OPRM1: variants seen among roughly 807,000 people sequenced by gnomAD.
The protein encoded by OPRM1 is opioid receptor mu 1.
Under a neutral mutation model 31.8 loss-of-function variants are expected in OPRM1, and 27 were observed. The ratio of observed to expected loss-of-function variants is 0.85; its 90% CI spans 0.63 to 1.17. The LOEUF is 1.17. Among genes scored for constraint, OPRM1 ranks in the 50% most tolerant of loss-of-function variants. The probability of loss-of-function intolerance (pLI) is 0.00; values close to 1 mark genes in which losing one functional copy is unlikely to be tolerated. For missense variants in OPRM1, 536 were observed against 511.1 expected (o/e 1.05, Z -0.47); for synonymous variants, 196 against 189.9 (o/e 1.03, Z -0.26).
intron 3 of OPRM1, among the ~76,000 whole-genome samples, chr6:154,171,221 C>T (rs1799844528): frequency 6.6e-6 from 1 of 152,150 alleles, no homozygotes; most frequent in Non-Finnish European, 1.5e-5. Context: ...CCTAAATGTT[C>T]ATCAGCTGAT....
chr6:154,114,368 T>C (rs1796640764), intron 3 of OPRM1, among the ~76,000 whole-genome samples: 1 of 152,160 alleles, frequency 6.6e-6, no homozygotes, highest in South Asian at 2.1e-4. Context: ...TGATTTAGCA[T>C]TGGCTAATTT....
At chr6:154,178,746 T>C (rs1190904147) in intron 3 of OPRM1, among the ~76,000 whole-genome samples, 1 of 152,176 alleles carries the variant, frequency 6.6e-6, no homozygotes, top group Admixed American at 6.5e-5. Context: ...AGTATGTATG[T>C]TCACATAGGA....
At chr6:154,091,679 A>G in intron 3 of OPRM1, 4 of 1,335,792 alleles carry the variant, frequency 3.0e-6, no homozygotes, top group Middle Eastern at 2.8e-4. Context: ...AGGTATAAAG[A>G]TACACCAATG....
At chr6:154,184,808 T>C (rs535168977) in intron 3 of OPRM1, among the ~76,000 whole-genome samples, 2 of 152,184 alleles carry the variant, frequency 1.3e-5, no homozygotes, top group African/African-American at 2.4e-5. Context: ...TATAGTATCT[T>C]TCTAGATTGT....
intron 3 of OPRM1, among the ~76,000 whole-genome samples, chr6:154,142,310 G>A (rs1432669220): frequency 1.3e-5 from 2 of 152,202 alleles, no homozygotes; most frequent in Non-Finnish European, 2.9e-5. Context: ...AATAACACCT[G>A]AAATTGGTCA....
chr6:154,034,941 G>A (rs1190336194), upstream of OPRM1, among the ~76,000 whole-genome samples: 2 of 152,118 alleles, frequency 1.3e-5, no homozygotes, highest in Admixed American at 1.3e-4. Context: ...AAAAGAATCA[G>A]GTCCTTTAAG....
intron 3 of OPRM1, among the ~76,000 whole-genome samples, chr6:154,184,395 T>C (rs574594306): frequency 8.7e-4 from 133 of 152,184 alleles, no homozygotes; most frequent in African/African-American, 3.1e-3. Flanking sequence ...GATGCAGTTA[T>C]CAAAAATAAC....
intron 3 of OPRM1, among the ~76,000 whole-genome samples, chr6:154,111,866 T>C (rs904478426): frequency 6.6e-6 from 1 of 152,042 alleles, no homozygotes; most frequent in Admixed American, 6.5e-5. Context: ...CCCGAGTTCA[T>C]GCCATTCTCC....
At chr6:154,157,670 G>C (rs1348590805) in intron 3 of OPRM1, 1 of 152,204 alleles carries the variant, frequency 6.6e-6, no homozygotes, top group East Asian at 1.9e-4. Context: ...AGAAAAACTG[G>C]AAGTCTACAG....
intron 1 of OPRM1, among the ~76,000 whole-genome samples, chr6:154,016,400 GACA>G (rs1317605220): frequency 6.6e-6 from 1 of 152,048 alleles, no homozygotes; most frequent in Non-Finnish European, 1.5e-5. Context: ...TGTGTAGTGT[GACA>G]ACAATTACCT....
At chr6:154,084,571 A>C (rs914375758) in intron 1 of OPRM1, among the ~76,000 whole-genome samples, 1 of 152,226 alleles carries the variant, frequency 6.6e-6, no homozygotes, top group Non-Finnish European at 1.5e-5. Flanking sequence ...AAGTATCTTT[A>C]TCTCATTGGA....
intron 1 of OPRM1, among the ~76,000 whole-genome samples, chr6:154,024,760 G>T (rs940558260): frequency 2.7e-5 from 4 of 149,792 alleles, no homozygotes; most frequent in Non-Finnish European, 4.4e-5. Flanking sequence ...TTTGTTTCAA[G>T]AATTTTTTTC....
intron 1 of OPRM1, among the ~76,000 whole-genome samples, chr6:154,054,788 A>T (rs1453971210): frequency 6.6e-6 from 1 of 152,188 alleles, no homozygotes; most frequent in African/African-American, 2.4e-5. Context: ...GAGGATGCAT[A>T]CCCCATTCTC....
intron 1 of OPRM1, among the ~76,000 whole-genome samples, chr6:154,028,122 C>T (rs1005643912): frequency 7.2e-5 from 11 of 152,198 alleles, no homozygotes; most frequent in African/African-American, 2.7e-4. Context: ...TCCAGTCTTA[C>T]TCAAGGCCCT....
chr6:154,068,620 G>A (rs532131117), intron 1 of OPRM1, among the ~76,000 whole-genome samples: 1 of 152,198 alleles, frequency 6.6e-6, no homozygotes, highest in South Asian at 2.1e-4. Flanking sequence ...TGGACACTGA[G>A]ATTTATTCCA....
chr6:154,184,256 T>TA (rs1801145242), intron 3 of OPRM1, among the ~76,000 whole-genome samples: 1 of 152,104 alleles, frequency 6.6e-6, no homozygotes, highest in African/African-American at 2.4e-5. Context: ...TATAAAGTGA[T>TA]ACATATTAGA....
At chr6:154,091,607 T>A in intron 3 of OPRM1, 135 bp downstream of exon 3, 1 of 1,436,868 alleles carries the variant, frequency 7.0e-7, no homozygotes, top group Non-Finnish European at 9.1e-7. Context: ...GTGGTTCTAG[T>A]GTTAGAGAAG....
chr6:154,010,691 G>A, exon 1 of OPRM1: 4 of 1,446,814 alleles, frequency 2.8e-6, no homozygotes, highest in Non-Finnish European at 3.6e-6. Context: ...AAGCAGCCGG[G>A]TCAGACAGGC....
chr6:154,173,174 C>T (rs892909400), intron 3 of OPRM1, among the ~76,000 whole-genome samples: 7 of 152,154 alleles, frequency 4.6e-5, no homozygotes, highest in Non-Finnish European at 1.0e-4. Flanking sequence ...GTCACCAACA[C>T]CTAAGACCAA....
Sources: gnomAD v4.1 joint callset for allele counts (sites outside exome capture counted in the v4.1 genomes callset) on GRCh38, gnomAD v4.1.1 for gene constraint, MANE v1.5 for transcripts, NCBI Gene and HGNC (gene_info 2026-07-23, HGNC 2026-07-21) for gene names.